The following PRTG variants were observed in gnomAD, a reference collection of about 807,000 sequenced individuals.
PRTG encodes the protein immunoglobulin superfamily, DCC subclass, member 5.
PRTG carries 67 observed loss-of-function variants against 122.5 expected under a neutral mutation model. That is an observed-to-expected ratio of 0.55 (90% confidence interval 0.45 to 0.67). The LOEUF (loss-of-function observed/expected upper bound fraction) is 0.67, where lower values mean the gene tolerates loss of function less well. Ranked by LOEUF, PRTG falls within the 30% of genes least tolerant of loss-of-function variation. The pLI is 0.00. For missense variants in PRTG, 1,435 were observed against 1,415.4 expected, an observed-to-expected ratio of 1.01 and a Z score of -0.22; for synonymous variants, 554 against 501.1, an observed-to-expected ratio of 1.11 and a Z score of -1.41.
At chr15:55,730,301 C>T (rs1229836529) in intron 2 of PRTG, among the ~76,000 whole-genome samples, 1 of 152,024 alleles carries the variant, frequency 6.6e-6, no homozygotes, top group African/African-American at 2.4e-5. Context: ...AGGGTTTCAC[C>T]ACGTTTGCCA....
chr15:55,631,892 ACTC>A (rs2059229503), intron 15 of PRTG, among the ~76,000 whole-genome samples: 1 of 151,802 alleles, frequency 6.6e-6, no homozygotes, highest in Admixed American at 6.6e-5. Flanking sequence ...TTTACCTCCG[ACTC>A]CTCTTCTTCC....
At chr15:55,646,009 T>C (rs2059320525) in intron 11 of PRTG, among the ~76,000 whole-genome samples, 1 of 152,018 alleles carries the variant, frequency 6.6e-6, no homozygotes, top group African/African-American at 2.4e-5. Flanking sequence ...TTATTATTTA[T>C]TATTTTTTAT....
chr15:55,661,002 T>A (rs1481137236), intron 11 of PRTG, among the ~76,000 whole-genome samples: 4 of 152,222 alleles, frequency 2.6e-5, no homozygotes, highest in Non-Finnish European at 1.5e-5. Context: ...TTTGTTCTCA[T>A]GTGTTTTTTA....
chr15:55,632,660 C>T (rs1026345379), intron 15 of PRTG, among the ~76,000 whole-genome samples: 1 of 152,212 alleles, frequency 6.6e-6, no homozygotes, highest in Non-Finnish European at 1.5e-5. Context: ...TTTGCACCTC[C>T]CCCAGATATC....
chr15:55,711,278 T>C (rs1415324344), intron 2 of PRTG, among the ~76,000 whole-genome samples: 1 of 152,096 alleles, frequency 6.6e-6, no homozygotes, highest in East Asian at 1.9e-4. Flanking sequence ...GATTTAGTAA[T>C]TGTAACTTCT....
At chr15:55,723,272 C>A (rs2141871672) in intron 2 of PRTG, among the ~76,000 whole-genome samples, 1 of 151,572 alleles carries the variant, frequency 6.6e-6, no homozygotes, top group Non-Finnish European at 1.5e-5. Context: ...GAGAGGTTAG[C>A]ACCTAAATAA....
Position 55,618,279 on chromosome 15 carries a change from G to A in PRTG, c.*1733C>T, listed in dbSNP as rs2059149530. 1 of 152,172 alleles carries A rather than the reference G, an allele frequency of 6.6e-6. No homozygotes were observed. The highest frequency in any genetic ancestry group is 1.5e-5 in the Non-Finnish European group (1 of 68,030). 9.4% of individuals were successfully genotyped at this position (152,172 alleles called of 1,614,324 possible). A position where few individuals can be genotyped will look rare whatever the true frequency, so the allele number is the denominator to read the frequency against. On this transcript the variant is annotated 3_prime_UTR_variant, in exon 20 of 20. Transcript: ENST00000389286. ...TACAGTCATTAGACTAGCAGATGATGCTGGGACTATTATCTGCTAATATTC... is the reference window on the plus strand; with the variant it reads ...TACAGTCATTAGACTAGCAGATGATACTGGGACTATTATCTGCTAATATTC...
chr15:55,680,519 G>C lies in PRTG; in HGVS notation c.786C>G (p.Pro262=), dbSNP rs749832949. The C allele has an allele frequency of 3.1e-6, 5 of 1,599,804 alleles. No homozygotes were observed. In the South Asian group the frequency reaches 4.6e-5, roughly 15 times the overall value. The change falls in exon 5 of 20, where the codon CCC becomes CCG. Residue 262 remains proline (P), a synonymous_variant. Coordinates refer to ENST00000389286, the MANE Select transcript of PRTG (RefSeq NM_173814.6). ...GGCGGCTCCAAGAAATGATTGGTTT[G>C]GGATTTCCTGTGGCCATGCATTCCA... ...VVLECMATGN[P]KPIISWSRLD...
At chr15:55,637,023 C>T (rs1224885308) in intron 15 of PRTG, 147 bp downstream of exon 15, 1 of 575,796 alleles carries the variant, frequency 1.7e-6, no homozygotes, top group East Asian at 3.1e-5. Context: ...GATGGCTTCC[C>T]GATGCCCTTT....
chr15:55,654,101 G>A (rs2059367775), intron 11 of PRTG, among the ~76,000 whole-genome samples: 1 of 152,116 alleles, frequency 6.6e-6, no homozygotes, highest in East Asian at 1.9e-4. Context: ...CCACAAACAT[G>A]GTTTTTGATC....
At chr15:55,656,355 C>T (rs1248736090) in intron 11 of PRTG, 2 of 455,268 alleles carry the variant, frequency 4.4e-6, no homozygotes, top group Non-Finnish European at 8.8e-6. Context: ...TAGATTCGGG[C>T]TAAACATTTT....
chr15:55,627,137 G>A lies in PRTG; in HGVS notation c.2807-9C>T. ...GTAATATCCTGAATAAACTAGAAGG[G>A]AAAACACATTTACTCAGAATCAATC... On this transcript the variant is annotated splice_polypyrimidine_tract_variant and intron_variant, in intron 16 of 19. Coordinates refer to ENST00000389286, the MANE Select transcript of PRTG (RefSeq NM_173814.6). 1.3e-6 allele frequency: 2 copies of A among 1,567,034 alleles called. No individual in the cohort carries two copies. Among genetic ancestry groups the A allele is most frequent in the South Asian group, 1.2e-5 (1 of 85,302 alleles).
intron 11 of PRTG, among the ~76,000 whole-genome samples, chr15:55,647,924 G>A (rs948208338): frequency 1.2e-4 from 18 of 152,290 alleles, no homozygotes; most frequent in African/African-American, 4.3e-4. Context: ...GTGTGTGTTG[G>A]CTTGCGTATA....
At chr15:55,637,457 C>T in intron 14 of PRTG, 117 bp from the exon 15 acceptor site, 2 of 741,712 alleles carry the variant, frequency 2.7e-6, no homozygotes, top group Non-Finnish European at 4.0e-6. Context: ...CATAAGAAAT[C>T]ACAGCTTTCA....
intron 2 of PRTG, among the ~76,000 whole-genome samples, chr15:55,716,872 T>C (rs1487982087): frequency 6.6e-6 from 1 of 152,150 alleles, no homozygotes; most frequent in Non-Finnish European, 1.5e-5. Context: ...CGTGTACATA[T>C]CTTCACCAAG....
In PRTG at chr15:55,687,659, T is replaced by C. The variant is rs28397777; in HGVS notation, c.398-3728A>G. On this transcript the variant is annotated intron_variant, in intron 2 of 19. Transcript: ENST00000389286. ...AAAATTCTGAAAACTGAAACATAAA[T>C]AGGTTTACCCTTGAAAACTCTGGTT... 2.4e-3 allele frequency among the ~76,000 whole-genome samples: 362 copies of C among 152,314 alleles called. 3 individuals carry two copies. Among genetic ancestry groups the C allele is most frequent in the African/African-American group, 8.6e-3 (358 of 41,582 alleles).
chr15:55,741,684 G>C (rs1339935896), intron 1 of PRTG, among the ~76,000 whole-genome samples: 2 of 152,172 alleles, frequency 1.3e-5, no homozygotes, highest in African/African-American at 4.8e-5. Context: ...GATCGTTGTG[G>C]ATCCTTGATT....
rs901947250 is a variant in PRTG at position 55,614,238 on chromosome 15, T to C, written c.*5774A>G. The C allele has an allele frequency of 2.6e-5, 4 of 152,076 alleles. No individual in the cohort carries two copies. Among genetic ancestry groups the C allele is most frequent in the South Asian group, 2.1e-4 (1 of 4,826 alleles). 9.4% of individuals were successfully genotyped at this position (152,076 alleles called of 1,614,324 possible). A position where few individuals can be genotyped will look rare whatever the true frequency, so the allele number is the denominator to read the frequency against. On this transcript the variant is annotated 3_prime_UTR_variant, in exon 20 of 20. Coordinates refer to ENST00000389286, the MANE Select transcript of PRTG (RefSeq NM_173814.6). The stretch of plus-strand genomic sequence containing the variant: ...GCTTTGAGAACCAGGAAAAGGCCGA[T>C]TGGAACCAAAAAAGAATGACAAGAA...
intron 9 of PRTG, among the ~76,000 whole-genome samples, chr15:55,675,244 C>T (rs1262802480): frequency 6.6e-6 from 1 of 151,912 alleles, no homozygotes; most frequent in Non-Finnish European, 1.5e-5. Context: ...CTATTCAGTA[C>T]AAAAAAGTTT....
Sources: gnomAD v4.1 joint callset for allele counts (sites outside exome capture counted in the v4.1 genomes callset) on GRCh38, gnomAD v4.1.1 for gene constraint, MANE v1.5 for transcripts, NCBI Gene and HGNC (gene_info 2026-07-23, HGNC 2026-07-21) for gene names.